The following RNLS variants were observed in gnomAD, a reference collection of about 807,000 sequenced individuals.
The protein encoded by RNLS is renalase.
A neutral mutation model predicts 39.8 loss-of-function variants in RNLS; 39 were observed. The observed-to-expected ratio is 0.98, with a 90% confidence interval of 0.76 to 1.28. RNLS has a LOEUF of 1.28. Ranked by LOEUF, RNLS falls within the 50% of genes most tolerant of loss-of-function variation. RNLS has a pLI of 0.00. For missense variants in RNLS, 410 were observed against 413.3 expected, an observed-to-expected ratio of 0.99 and a Z score of 0.07; for synonymous variants, 147 against 150.7, an observed-to-expected ratio of 0.98 and a Z score of 0.18.
chr10:88,349,877 GTTAA>G (rs920833925), intron 5 of RNLS, among the ~76,000 whole-genome samples: 9 of 151,936 alleles, frequency 5.9e-5, no homozygotes, highest in Admixed American at 6.6e-5. Flanking sequence ...TTTGACAGCT[GTTAA>G]TTAAATTGCT....
At chr10:88,322,958 C>CA (rs891243620) in intron 5 of RNLS, among the ~76,000 whole-genome samples, 12 of 152,050 alleles carry the variant, frequency 7.9e-5, no homozygotes, top group African/African-American at 1.9e-4. Context: ...AAATAATGCA[C>CA]AAAAAAATCA....
intron 4 of RNLS, among the ~76,000 whole-genome samples, chr10:88,463,954 C>A (rs1843069182): frequency 6.6e-6 from 1 of 151,848 alleles, no homozygotes. Context: ...TCCTAAGGTA[C>A]AATATTGACC....
At chr10:88,309,693 G>A (rs1845211696) in intron 6 of RNLS, among the ~76,000 whole-genome samples, 1 of 152,170 alleles carries the variant, frequency 6.6e-6, no homozygotes, top group Non-Finnish European at 1.5e-5. Flanking sequence ...AATGTGAATG[G>A]AAGGTTGAAG....
chr10:88,408,753 T>G lies in RNLS; in HGVS notation c.527-46028A>C, dbSNP rs543022273. Among the ~76,000 whole-genome samples, 11 of 152,256 alleles carry G rather than the reference T, an allele frequency of 7.2e-5. No individual in the cohort carries two copies. The East Asian group carries it at 2.1e-3, about 29-fold the overall frequency. On this transcript the variant is annotated intron_variant, in intron 4 of 6. Transcript: ENST00000331772. ...ATTTTTAGTAAATTATATTTCTCTATGAAAAGTTTGATTTGTTTTCATTGG... is the reference window on the plus strand; with the variant it reads ...ATTTTTAGTAAATTATATTTCTCTAGGAAAAGTTTGATTTGTTTTCATTGG...
rs912852637 is a variant in RNLS at position 88,380,406 on chromosome 10, C to G, written c.527-17681G>C. Among the ~76,000 whole-genome samples, 10 of 120,410 alleles carry G rather than the reference C, an allele frequency of 8.3e-5. 1 individual carries two copies. The highest frequency in any genetic ancestry group is 3.1e-4 in the African/African-American group (10 of 32,256). The allele number at this position is 120,410 out of a possible 152,430, so 79.0% of individuals were successfully genotyped here. A position where few individuals can be genotyped will look rare whatever the true frequency, so the allele number is the denominator to read the frequency against. ...TTTTTTTTTTGAGACGACGGAGTCT[C>G]TCTCTGTCACCCAGGCTGGAGTGCA... On this transcript the variant is annotated intron_variant, in intron 4 of 6. Transcript: ENST00000331772.
At chr10:88,354,342 A>T (rs1259510290) in intron 5 of RNLS, among the ~76,000 whole-genome samples, 1 of 152,154 alleles carries the variant, frequency 6.6e-6, no homozygotes, top group Non-Finnish European at 1.5e-5. Context: ...ATGTTTTTGC[A>T]GTGGCTGGTA....
At chr10:88,285,591 T>A in intron 6 of RNLS, 85 bp from the exon 7 acceptor site, 1 of 1,144,436 alleles carries the variant, frequency 8.7e-7, no homozygotes, top group Non-Finnish European at 1.3e-6. Context: ...AAGGTTAGTC[T>A]ACCTGGAGAA....
chr10:88,399,629 GTAAC>G (rs1053624030), intron 4 of RNLS, among the ~76,000 whole-genome samples: 1 of 152,032 alleles, frequency 6.6e-6, no homozygotes, highest in African/African-American at 2.4e-5. Flanking sequence ...GGAATGGAGA[GTAAC>G]TACCAATGGG....
chr10:88,373,792 A>C (rs1161946665), intron 4 of RNLS, among the ~76,000 whole-genome samples: 1 of 152,004 alleles, frequency 6.6e-6, no homozygotes, highest in Non-Finnish European at 1.5e-5. Flanking sequence ...GGTTTCAATC[A>C]TTTTCCCTTA....
At chr10:88,240,654 T>G in the RNLS span, among the ~76,000 whole-genome samples, 1 of 152,272 alleles carries the variant, frequency 6.6e-6, no homozygotes, top group South Asian at 2.1e-4. Context: ...CAATCTTCCC[T>G]CTTAATTATT....
intron 4 of RNLS, among the ~76,000 whole-genome samples, chr10:88,399,396 A>C (rs7922053): frequency 0.32 from 48,485 of 151,962 alleles, 8,896 homozygotes; most frequent in African/African-American, 0.49. Flanking sequence ...AATGTGCATT[A>C]ATTGATGAAT....
intron 4 of RNLS, among the ~76,000 whole-genome samples, chr10:88,489,423 C>T (rs959829360): frequency 5.3e-5 from 8 of 152,316 alleles, no homozygotes; most frequent in Admixed American, 3.3e-4. Flanking sequence ...TACCCAGGTA[C>T]TCGGACCCTA....
chr10:88,311,974 A>G (rs1448967385), intron 6 of RNLS, among the ~76,000 whole-genome samples: 2 of 152,180 alleles, frequency 1.3e-5, no homozygotes, highest in Non-Finnish European at 1.5e-5. Flanking sequence ...TGCTCTCTCC[A>G]GAGGTTTTAT....
intron 4 of RNLS, among the ~76,000 whole-genome samples, chr10:88,447,993 A>C (rs1039652980): frequency 1.3e-5 from 2 of 152,246 alleles, no homozygotes; most frequent in African/African-American, 4.8e-5. Context: ...CTTACACCTT[A>C]TACAAAAATT....
intron 5 of RNLS, among the ~76,000 whole-genome samples, chr10:88,358,734 G>C (rs1849396314): frequency 6.6e-6 from 1 of 152,154 alleles, no homozygotes; most frequent in African/African-American, 2.4e-5. Flanking sequence ...TTTTGGTTCT[G>C]GCTGTGGCTT....
the RNLS span, among the ~76,000 whole-genome samples, chr10:88,239,958 T>C: frequency 1.1e-4 from 17 of 152,328 alleles, no homozygotes; most frequent in African/African-American, 3.8e-4. Context: ...TTATATTTTG[T>C]TATTTTCTAC....
Position 88,352,202 on chromosome 10 carries a change from G to A in RNLS, c.700+10350C>T, listed in dbSNP as rs1848769026. Among the ~76,000 whole-genome samples, 4 of 152,170 alleles carry A rather than the reference G, an allele frequency of 2.6e-5. No individual in the cohort carries two copies. The South Asian group carries it at 8.3e-4, about 32-fold the overall frequency. ...TGAATACCCTTTATTTCTTTCTCCTGCCTGATTGCCCTGGCCAGAACTTCC... is the reference window on the plus strand; with the variant it reads ...TGAATACCCTTTATTTCTTTCTCCTACCTGATTGCCCTGGCCAGAACTTCC... On this transcript the variant is annotated intron_variant, in intron 5 of 6. Coordinates refer to ENST00000331772, the MANE Select transcript of RNLS (RefSeq NM_001031709.3).
At chr10:88,508,510 A>G (rs377302587) in intron 4 of RNLS, among the ~76,000 whole-genome samples, 11 of 152,310 alleles carry the variant, frequency 7.2e-5, no homozygotes, top group African/African-American at 2.6e-4. Flanking sequence ...ATTTGGCATC[A>G]GTGTTTGGTA....
At chr10:88,505,613 G>A (rs1441513046) in intron 4 of RNLS, among the ~76,000 whole-genome samples, 3 of 152,070 alleles carry the variant, frequency 2.0e-5, no homozygotes, top group African/African-American at 7.2e-5. Context: ...ATTCAGGCAA[G>A]GATCATCACT....
Sources: allele counts gnomAD v4.1 joint callset (sites outside exome capture counted in the v4.1 genomes callset), GRCh38; gene constraint gnomAD v4.1.1; transcripts MANE v1.5; gene names NCBI Gene and HGNC (gene_info 2026-07-23, HGNC 2026-07-21).